The following SETX variants were observed in gnomAD, a reference collection of about 807,000 sequenced individuals.
SETX encodes senataxin.
In SETX, 90 loss-of-function variants were observed where a neutral mutation model predicts 227.2. The ratio of observed to expected loss-of-function variants is 0.40; its 90% CI spans 0.33 to 0.47. The LOEUF (loss-of-function observed/expected upper bound fraction) is 0.47. Among genes scored for constraint, SETX ranks in the 20% least tolerant of loss-of-function variants. The probability of loss-of-function intolerance (pLI) is 0.91; values close to 1 mark genes in which losing one functional copy is unlikely to be tolerated. For synonymous variants in SETX, 1,210 were observed against 1,113.2 expected, an observed-to-expected ratio of 1.09 and a Z score of -1.73; for missense variants, 3,052 against 3,181.5, an observed-to-expected ratio of 0.96 and a Z score of 0.98.
At chr9:132,313,134 A>G (rs534436666) in intron 10 of SETX, among the ~76,000 whole-genome samples, 2 of 152,328 alleles carry the variant, frequency 1.3e-5, no homozygotes, top group South Asian at 4.1e-4. Context: ...AGGTCAACAG[A>G]AATGTTCTAA....
chr9:132,281,378 C>T (rs1843491015), intron 20 of SETX, 89 bp downstream of exon 20: 2 of 857,178 alleles, frequency 2.3e-6, no homozygotes, highest in Non-Finnish European at 4.0e-6. Flanking sequence ...ATTAAGAGGC[C>T]AATCCAAGAA....
intron 20 of SETX, among the ~76,000 whole-genome samples, chr9:132,279,412 A>AT (rs1358298094): frequency 6.6e-6 from 1 of 151,970 alleles, no homozygotes; most frequent in Non-Finnish European, 1.5e-5. Context: ...TTAAAGTATA[A>AT]TTAAAAAAGA....
intron 11 of SETX, among the ~76,000 whole-genome samples, chr9:132,306,484 T>C (rs112308927): frequency 1.4e-4 from 22 of 152,318 alleles, no homozygotes; most frequent in South Asian, 6.2e-4. Flanking sequence ...AGTGCTGGGA[T>C]TGCAGGTGTG....
At chr9:132,267,371 C>A (rs953372362) in intron 25 of SETX, among the ~76,000 whole-genome samples, 1 of 152,198 alleles carries the variant, frequency 6.6e-6, no homozygotes, top group African/African-American at 2.4e-5. Flanking sequence ...GATGGCCTTG[C>A]AATTTTTGCT....
intron 5 of SETX, among the ~76,000 whole-genome samples, chr9:132,339,472 T>C (rs1847835619): frequency 6.6e-6 from 1 of 152,132 alleles, no homozygotes; most frequent in Non-Finnish European, 1.5e-5. Context: ...AAACAAATCT[T>C]TCCTCACCTT....
In SETX at chr9:132,330,147, T is replaced by C; in HGVS notation, c.1451A>G (p.Gln484Arg). ...ACATTTGACGACGGCTTCCACCCATTGCTGGGAACTTACCCACAGCAAATG... is the reference window on the plus strand; with the variant it reads ...ACATTTGACGACGGCTTCCACCCATCGCTGGGAACTTACCCACAGCAAATG... ...CLHLLWVSSQ[Q>R]WVEAVVKCAK... is the part of the protein sequence containing the mutation. The change falls in exon 10 of 26, where the codon CAA (glutamine) becomes CGA (arginine). Residue 484 changes from glutamine to arginine, a missense_variant. Around this residue, in one of 10 missense-constraint regions of SETX, gnomAD observed 179 missense variants for 197.1 expected, o/e 0.91. Transcript: ENST00000224140. The C allele has an allele frequency of 6.2e-7, 1 of 1,608,954 alleles. No homozygotes were observed. Among genetic ancestry groups the C allele is most frequent in the Non-Finnish European group, 8.5e-7 (1 of 1,175,826 alleles).
In SETX at chr9:132,270,477, G is replaced by A. The variant is rs1369017905; in HGVS notation, c.7200-775C>T. ...CAGGTGGACTGCAGGCAGCTTTTCC[G>A]GGACTCCTTCACTCCTCTAGAAGTC... On this transcript the variant is annotated intron_variant, in intron 24 of 25. Coordinates refer to ENST00000224140, the MANE Select transcript of SETX (RefSeq NM_015046.7). Among the ~76,000 whole-genome samples, 3 of 152,198 alleles carry A rather than the reference G, an allele frequency of 2.0e-5. 1 individual carries two copies. Among genetic ancestry groups the A allele is most frequent in the South Asian group, 4.1e-4 (2 of 4,832 alleles).
At chr9:132,286,316 T>C in intron 18 of SETX, 107 bp downstream of exon 18, 1 of 818,606 alleles carries the variant, frequency 1.2e-6, no homozygotes. Context: ...TGAGACTCTG[T>C]CTCCAAAATA....
chr9:132,345,811 G>A (rs183076850), intron 4 of SETX, among the ~76,000 whole-genome samples: 3 of 152,224 alleles, frequency 2.0e-5, no homozygotes, highest in African/African-American at 7.2e-5. Context: ...GAGCCCAGGA[G>A]TTCAACACCA....
chr9:132,271,560 G>T (rs1168237277), intron 24 of SETX, 150 bp downstream of exon 24: 9 of 720,302 alleles, frequency 1.2e-5, no homozygotes, highest in African/African-American at 1.2e-4. Flanking sequence ...CAACTTAAAA[G>T]AGAAACTTTC....
chr9:132,317,383 T>C (rs1434445247), intron 10 of SETX, among the ~76,000 whole-genome samples: 1 of 152,264 alleles, frequency 6.6e-6, no homozygotes, highest in Admixed American at 6.5e-5. Flanking sequence ...GTCATTTTAA[T>C]GAACTGTATC....
At chr9:132,316,337 G>A (rs1427747959) in intron 10 of SETX, among the ~76,000 whole-genome samples, 1 of 152,092 alleles carries the variant, frequency 6.6e-6, no homozygotes, top group Non-Finnish European at 1.5e-5. Context: ...GTGCTTTGTG[G>A]GTTTTAGCTA....
rs1846821333 is a variant in SETX at position 132,326,886 on chromosome 9, A to C, written c.4712T>G (p.Val1571Gly). ...AAATACATCTTCATCTGCTGCTTTC[A>C]CTTCAGAGTGTTTTGGGCAGTATTC... ...QGEYCPKHSE[V>G]KAADEDVFRK... The change falls in exon 10 of 26, where the codon GTG (valine) becomes GGG (glycine). Residue 1571 changes from valine (V) to glycine (G), a missense_variant. Val to Gly is a moderately radical substitution (Grantham distance 109). This residue lies in a region of SETX where 1,483 missense variants were observed against 1,312.0 expected (regional missense o/e 1.13). Coordinates refer to ENST00000224140, the MANE Select transcript of SETX (RefSeq NM_015046.7). The C allele has an allele frequency of 6.2e-7, 1 of 1,614,080 alleles. No individual in the cohort carries two copies. The highest frequency in any genetic ancestry group is 8.5e-7 in the Non-Finnish European group (1 of 1,180,050).
chr9:132,277,657 G>A (rs983913511), intron 21 of SETX, among the ~76,000 whole-genome samples: 1 of 151,980 alleles, frequency 6.6e-6, no homozygotes, highest in African/African-American at 2.4e-5. Flanking sequence ...GGTGGTGACT[G>A]AGTGTAGTCC....
intron 10 of SETX, among the ~76,000 whole-genome samples, chr9:132,314,906 GTTTTTTTTTTTT>G (rs559979271): frequency 3.4e-5 from 3 of 88,478 alleles, no homozygotes; most frequent in African/African-American, 4.6e-5. Flanking sequence ...ATTTTATTGT[GTTTTTTTTTTTT>G]TTTTTTTTTT....
chr9:132,286,181 CAAAAAAAAAA>C (rs58043008), intron 18 of SETX, among the ~76,000 whole-genome samples: 1 of 74,544 alleles, frequency 1.3e-5, no homozygotes. Context: ...GACTTCACCT[CAAAAAAAAAA>C]AAAAAAAAAA....
chr9:132,332,103 C>T (rs1457668265), intron 7 of SETX, among the ~76,000 whole-genome samples: 1 of 152,156 alleles, frequency 6.6e-6, no homozygotes, highest in Non-Finnish European at 1.5e-5. Context: ...CAAGATACCG[C>T]CCTACTCAAA....
At position 132,349,399 on chromosome 9, in the gene SETX, A is replaced by G; in HGVS notation, c.30T>C (p.Gly10=). Residue 10 remains glycine, a synonymous_variant, in exon 3 of 26, where the codon GGT becomes GGC. Transcript: ENST00000224140. ...TTAGGAAGTCAATGGTGGAAGCACC[A>G]CCTGGCGTACACCAACAACATGTGC... MSTCCWCTP[G]GASTIDFLKR... 6.2e-7 allele frequency: 1 copy of G among 1,614,212 alleles called. No individual in the cohort carries two copies. The highest frequency in any genetic ancestry group is 1.3e-5 in the African/African-American group (1 of 75,056).
At chr9:132,320,729 T>C (rs768018821) in intron 10 of SETX, among the ~76,000 whole-genome samples, 13 of 151,696 alleles carry the variant, frequency 8.6e-5, no homozygotes, top group African/African-American at 2.7e-4. Context: ...AACTTCAAAG[T>C]AGATTGAACA....
Sources: gnomAD v4.1 joint callset for allele counts (sites outside exome capture counted in the v4.1 genomes callset) on GRCh38, gnomAD v4.1.1 for gene constraint, gnomAD v4.1.1 regional missense constraint, MANE v1.5 for transcripts, NCBI Gene and HGNC (gene_info 2026-07-23, HGNC 2026-07-21) for gene names.